Variants in MAP7D3 observed in about 807,000 individuals in gnomAD.
The protein encoded by MAP7D3 is MAP7 domain-containing protein 3.
In MAP7D3, 45 loss-of-function variants were observed where a neutral mutation model predicts 62.2. The ratio of observed to expected loss-of-function variants is 0.72; its 90% confidence interval spans 0.57 to 0.93. MAP7D3 has a LOEUF of 0.93. Ranked by LOEUF, MAP7D3 falls within the 40% of genes least tolerant of loss-of-function variation. The pLI is 0.00. For synonymous variants in MAP7D3, 288 were observed against 248.8 expected (o/e 1.16, Z -1.48); for missense variants, 711 against 683.1 (o/e 1.04, Z -0.45).
chrX:136,230,365 TTC>T lies in MAP7D3; in HGVS notation c.1750+18_1750+19del. On this transcript the variant is annotated intron_variant, in intron 10 of 18. Coordinates refer to ENST00000316077, the MANE Select transcript of MAP7D3 (RefSeq NM_024597.4). The stretch of plus-strand genomic sequence containing the variant: ...GATTTTCTGTGTTGCTAAGATAAAC[TTC>T]TTAGTGAAAGAACTTACCTTCATAG... 3 of 1,003,454 alleles carry T rather than the reference TTC, an allele frequency of 3.0e-6. No individual in the cohort carries two copies. The highest frequency in any genetic ancestry group is 4.2e-6 in the Non-Finnish European group (3 of 712,960). The allele number at this position is 1,003,454 out of a possible 1,213,427, so 82.7% of individuals were successfully genotyped here. A position where few individuals can be genotyped will look rare whatever the true frequency, so the allele number is the denominator to read the frequency against.
intron 3 of MAP7D3, among the ~76,000 whole-genome samples, chrX:136,245,374 G>A (rs1237315398): frequency 8.9e-6 from 1 of 111,982 alleles, no homozygotes; most frequent in African/African-American, 3.2e-5. Context: ...GATCTAAAAG[G>A]ATAATCTTTT....
upstream of MAP7D3, chrX:136,251,484 C>CGGGG: frequency 3.8e-5 from 28 of 741,776 alleles, no homozygotes; most frequent in Non-Finnish European, 4.4e-5. Flanking sequence ...GGGGCGGGGC[C>CGGGG]CGAAGGGCCA....
At chrX:136,251,429 G>C (rs2074510587), upstream of MAP7D3, 2 of 914,898 alleles carry the variant, frequency 2.2e-6, no homozygotes, top group African/African-American at 2.2e-5. Flanking sequence ...CCTCCGCTTG[G>C]GTCGTGGCCG....
chrX:136,225,999 T>A lies in MAP7D3; in HGVS notation c.2049A>T (p.Lys683Asn). The A allele has an allele frequency of 8.4e-7, 1 of 1,192,868 alleles. No homozygotes were observed. Among genetic ancestry groups the A allele is most frequent in the Non-Finnish European group, 1.1e-6 (1 of 881,926 alleles). The change falls in exon 13 of 19, where the codon AAA becomes AAT. Residue 683 changes from lysine to asparagine, a missense_variant. Transcript: ENST00000316077. ...TGTCAGCTTCCTCTTGAGCTTTTAT[T>A]TTGGCGTCCCCTTTCTAGGAAATTT... ...QEAPLQKGDA[K>N]IKAQEEADKR... is the part of the protein sequence containing the mutation.
In MAP7D3 at chrX:136,230,252, G is replaced by C. The variant is rs1030767760; in HGVS notation, c.1750+133C>G. The stretch of plus-strand genomic sequence containing the variant: ...ATTCCAATGTACCAGAGATTGGTTA[G>C]ATTCTCTCTTTCTAAAAGGAAAATA... On this transcript the variant is annotated intron_variant, in intron 10 of 18. Transcript: ENST00000316077. 6.7e-6 allele frequency: 3 copies of C among 445,499 alleles called. No homozygotes were observed. The African/African-American group carries it at 7.5e-5, about 11-fold the overall frequency. The allele number at this position is 445,499 out of a possible 1,213,427, so 36.7% of individuals were successfully genotyped here.
downstream of MAP7D3, among the ~76,000 whole-genome samples, chrX:136,216,408 GAAGAAGAAAGAAGA>G (rs1186568991): frequency 4.0e-5 from 3 of 74,305 alleles, no homozygotes; most frequent in African/African-American, 9.8e-5. Context: ...GAAAGAAGAA[GAAGAAGAAAGAAGA>G]AAGAAGAAAG....
chrX:136,227,454 T>C, intron 11 of MAP7D3, 23 bp from the exon 12 acceptor site: 1 of 1,133,395 alleles, frequency 8.8e-7, no homozygotes, highest in South Asian at 1.9e-5. Context: ...AAATAATTGT[T>C]AGTATTTATC....
At chrX:136,229,318 T>G in intron 10 of MAP7D3, among the ~76,000 whole-genome samples, 1 of 111,424 alleles carries the variant, frequency 9.0e-6, no homozygotes, top group East Asian at 2.8e-4. Flanking sequence ...GATATTTTGG[T>G]CTATATAACT....
At chrX:136,218,944 G>C (rs962443098) in intron 18 of MAP7D3, among the ~76,000 whole-genome samples, 3 of 110,699 alleles carry the variant, frequency 2.7e-5, no homozygotes, top group African/African-American at 6.6e-5. Context: ...TCCGCCTCCT[G>C]GGTTCAAGTG....
At chrX:136,253,725 G>A (rs750693662), upstream of MAP7D3, among the ~76,000 whole-genome samples, 8 of 111,792 alleles carry the variant, frequency 7.2e-5, no homozygotes, top group East Asian at 2.8e-4. Flanking sequence ...AAATAGTCAC[G>A]CCTGTAATCC....
chrX:136,218,163 T>TA lies in MAP7D3; in HGVS notation c.*362dup, dbSNP rs948959491. ...CAGATTCTTCTAGAAACTCCACAGTTACAGTTTCAGGAAAGCATCCTTGAT... is the reference window on the plus strand; with the variant it reads ...CAGATTCTTCTAGAAACTCCACAGTTAACAGTTTCAGGAAAGCATCCTTGAT... On this transcript the variant is annotated 3_prime_UTR_variant, in exon 19 of 19. Transcript: ENST00000316077. 1.8e-5 allele frequency: 2 copies of TA among 112,222 alleles called. No individual in the cohort carries two copies. Among genetic ancestry groups the TA allele is most frequent in the African/African-American group, 6.5e-5 (2 of 30,948 alleles). 9.2% of individuals were successfully genotyped at this position (112,222 alleles called of 1,213,427 possible).
Position 136,219,398 on chromosome X carries a change from C to A in MAP7D3, c.*32G>T. On this transcript the variant is annotated splice_region_variant and 3_prime_UTR_variant, in exon 18 of 19. Coordinates refer to ENST00000316077, the MANE Select transcript of MAP7D3 (RefSeq NM_024597.4). ...AAAGGTAGATGAGATGAGGACTTAC[C>A]CAAATGAGGAGAAACAGGTTTGCTT... 28 of 1,125,181 alleles carry A rather than the reference C, an allele frequency of 2.5e-5. No homozygotes were observed. Among genetic ancestry groups the A allele is most frequent in the Non-Finnish European group, 3.3e-5 (27 of 824,547 alleles). The allele number at this position is 1,125,181 out of a possible 1,213,427, so 92.7% of individuals were successfully genotyped here. A position where few individuals can be genotyped will look rare whatever the true frequency, so the allele number is the denominator to read the frequency against.
At chrX:136,236,181 A>G in intron 7 of MAP7D3, 63 bp downstream of exon 7, 1 of 702,861 alleles carries the variant, frequency 1.4e-6, no homozygotes. Context: ...CAAGCAATTC[A>G]ATGTTGACAT....
intron 11 of MAP7D3, 105 bp downstream of exon 11, chrX:136,228,518 T>C (rs763355236): frequency 9.7e-5 from 79 of 817,284 alleles, no homozygotes; most frequent in Non-Finnish European, 1.3e-4. Flanking sequence ...CTGAAGAAAG[T>C]CAATTGTTCT....
chrX:136,230,106 T>G (rs1440340177), intron 10 of MAP7D3, among the ~76,000 whole-genome samples: 1 of 105,815 alleles, frequency 9.5e-6, no homozygotes, highest in Non-Finnish European at 1.9e-5. Flanking sequence ...GCTGGGATTA[T>G]AGGCGTGAGC....
chrX:136,226,094 G>T, intron 12 of MAP7D3, 81 bp from the exon 13 acceptor site: 1 of 650,704 alleles, frequency 1.5e-6, no homozygotes, highest in Non-Finnish European at 2.4e-6. Flanking sequence ...AAATTTCAAT[G>T]GTAAATGTTA....
chrX:136,252,927 G>A (rs189001633), upstream of MAP7D3, among the ~76,000 whole-genome samples: 1 of 108,915 alleles, frequency 9.2e-6, no homozygotes, highest in East Asian at 2.9e-4. Context: ...GGGAAACCCC[G>A]TCTCTAGTAA....
upstream of MAP7D3, chrX:136,256,355 G>C (rs927538901): frequency 8.7e-7 from 1 of 1,150,582 alleles, no homozygotes; most frequent in Non-Finnish European, 1.2e-6. Flanking sequence ...CTCAGCTCTG[G>C]AATTCCCACT....
At chrX:136,245,500 C>T (rs1004318091) in intron 3 of MAP7D3, among the ~76,000 whole-genome samples, 1 of 111,551 alleles carries the variant, frequency 9.0e-6, no homozygotes, top group African/African-American at 3.3e-5. Flanking sequence ...GTAATCCCAG[C>T]ACTTTGGAAG....
Sources: allele counts gnomAD v4.1 joint callset (sites outside exome capture counted in the v4.1 genomes callset), GRCh38; gene constraint gnomAD v4.1.1; transcripts MANE v1.5; gene names NCBI Gene and HGNC (gene_info 2026-07-23, HGNC 2026-07-21).